Variants in SLC44A5 observed in about 807,000 individuals in gnomAD.
The protein encoded by SLC44A5 is solute carrier family 44 member 5, also known as choline transporter-like protein 5.
In SLC44A5, 57 loss-of-function variants were observed where a neutral mutation model predicts 101.8. The ratio of observed to expected loss-of-function variants is 0.56; its 90% CI spans 0.45 to 0.70. The LOEUF (loss-of-function observed/expected upper bound fraction) is 0.70. SLC44A5 is among the 30% of genes least tolerant of loss of function. SLC44A5 has a pLI of 0.00. For missense variants in SLC44A5, 737 were observed against 853.1 expected (o/e 0.86, Z 1.70); for synonymous variants, 281 against 290.9 (o/e 0.97, Z 0.35).
intron 1 of SLC44A5, among the ~76,000 whole-genome samples, chr1:75,579,318 C>T (rs1570661710): frequency 6.6e-6 from 1 of 152,204 alleles, no homozygotes; most frequent in Non-Finnish European, 1.5e-5. Context: ...AGGCAAACAT[C>T]TATAGTCCCA....
At chr1:75,442,338 G>A (rs368624738) in intron 2 of SLC44A5, among the ~76,000 whole-genome samples, 22 of 152,082 alleles carry the variant, frequency 1.4e-4, no homozygotes, top group Admixed American at 6.6e-4. Context: ...CGGGCTTTGC[G>A]GTAGGGAAAA....
chr1:75,654,225 A>C, the SLC44A5 span, among the ~76,000 whole-genome samples: 3 of 152,234 alleles, frequency 2.0e-5, no homozygotes, highest in Non-Finnish European at 4.4e-5. Flanking sequence ...TTTACAGGTG[A>C]AATACTTAAG....
chr1:75,488,842 G>T (rs568047663), intron 2 of SLC44A5, among the ~76,000 whole-genome samples: 6 of 152,254 alleles, frequency 3.9e-5, no homozygotes, highest in African/African-American at 1.2e-4. Context: ...CAAGTCAAAT[G>T]TCTAAGAAAT....
rs75642354 is a variant in SLC44A5, at chr1:75,338,377, C to T, written c.101+1205G>A. ...ATAATTCTGCTCTCTTATCTATGGC[C>T]TAGAAAGACACACCTGTAATCTGTA... On this transcript the variant is annotated intron_variant, in intron 4 of 23. Coordinates refer to ENST00000370859, the MANE Select transcript of SLC44A5 (RefSeq NM_001130058.2). Among the ~76,000 whole-genome samples the T allele has an allele frequency of 3.6e-3, 554 of 152,282 alleles. 3 individuals carry two copies. The highest frequency in any genetic ancestry group is 0.013 in the African/African-American group (539 of 41,570).
chr1:75,274,252 A>G (rs1651734820), intron 6 of SLC44A5, among the ~76,000 whole-genome samples: 1 of 151,954 alleles, frequency 6.6e-6, no homozygotes, highest in Non-Finnish European at 1.5e-5. Flanking sequence ...AGATCCAGCA[A>G]CCACCCCAGG....
the SLC44A5 span, among the ~76,000 whole-genome samples, chr1:75,629,922 AG>A: frequency 6.6e-6 from 1 of 152,244 alleles, no homozygotes. Context: ...CACCATTAAA[AG>A]CAAGTTAGAA....
intron 3 of SLC44A5, among the ~76,000 whole-genome samples, chr1:75,346,507 A>C (rs1658267161): frequency 6.6e-6 from 1 of 152,168 alleles, no homozygotes; most frequent in Non-Finnish European, 1.5e-5. Flanking sequence ...ATGGACGTTT[A>C]GGGGGCATTT....
At chr1:75,307,692 T>A (rs985309084) in intron 4 of SLC44A5, among the ~76,000 whole-genome samples, 1 of 152,232 alleles carries the variant, frequency 6.6e-6, no homozygotes, top group Admixed American at 6.5e-5. Context: ...ATTAATTGTA[T>A]CCACCCCCTT....
intron 4 of SLC44A5, among the ~76,000 whole-genome samples, chr1:75,324,460 T>C (rs1362189159): frequency 6.6e-6 from 1 of 152,198 alleles, no homozygotes; most frequent in African/African-American, 2.4e-5. Flanking sequence ...TATAGCACTA[T>C]GGTCTTATAT....
At chr1:75,601,674 C>T (rs1674992964) in intron 1 of SLC44A5, among the ~76,000 whole-genome samples, 1 of 152,150 alleles carries the variant, frequency 6.6e-6, no homozygotes, top group Admixed American at 6.6e-5. Context: ...AAAGAGCTAT[C>T]TCAAGGTCTG....
At chr1:75,502,722 A>T (rs978712670) in intron 2 of SLC44A5, among the ~76,000 whole-genome samples, 2 of 127,932 alleles carry the variant, frequency 1.6e-5, no homozygotes, top group African/African-American at 5.9e-5. Flanking sequence ...ACTCCACAAC[A>T]GTACCCACTT....
At chr1:75,486,994 T>C (rs547261749) in intron 2 of SLC44A5, among the ~76,000 whole-genome samples, 39 of 152,354 alleles carry the variant, frequency 2.6e-4, no homozygotes, top group Non-Finnish European at 5.3e-4. Flanking sequence ...AATACTTTAA[T>C]TGATATTTTA....
the SLC44A5 span, among the ~76,000 whole-genome samples, chr1:75,634,300 C>A: frequency 1.3e-5 from 2 of 152,062 alleles, no homozygotes; most frequent in African/African-American, 4.8e-5. Flanking sequence ...GGAATGGTAC[C>A]AGTTCCTCCT....
At chr1:75,659,541 C>T in the SLC44A5 span, among the ~76,000 whole-genome samples, 1 of 130,510 alleles carries the variant, frequency 7.7e-6, no homozygotes, top group Non-Finnish European at 1.6e-5. Flanking sequence ...AAAACTAGGC[C>T]AGGCACTTTG....
chr1:75,209,100 T>A (rs1363689883), intron 23 of SLC44A5, among the ~76,000 whole-genome samples: 14 of 152,216 alleles, frequency 9.2e-5, no homozygotes, highest in Non-Finnish European at 1.5e-4. Context: ...GACAAGTGTC[T>A]CTGAAAGGAA....
chr1:75,530,669 C>G (rs211773), intron 2 of SLC44A5, among the ~76,000 whole-genome samples: 141,329 of 152,204 alleles, frequency 0.93, 66,466 homozygotes, highest in East Asian at 1. Flanking sequence ...GCTCTCAGTA[C>G]TACCTCCCGA....
chr1:75,372,608 T>C (rs563252587), intron 3 of SLC44A5, among the ~76,000 whole-genome samples: 1 of 152,266 alleles, frequency 6.6e-6, no homozygotes, highest in East Asian at 1.9e-4. Flanking sequence ...CACATATTGT[T>C]AGTAAACCAG....
At chr1:75,206,935 C>T (rs543102036) in intron 23 of SLC44A5, among the ~76,000 whole-genome samples, 2 of 152,274 alleles carry the variant, frequency 1.3e-5, no homozygotes, top group East Asian at 3.9e-4. Flanking sequence ...ATCCCTCCCA[C>T]TCCCAGAGAG....
At chr1:75,558,636 T>G (rs1166099090) in intron 1 of SLC44A5, among the ~76,000 whole-genome samples, 1 of 152,042 alleles carries the variant, frequency 6.6e-6, no homozygotes. Context: ...TATACAGAAC[T>G]ACAGGAAATG....
Sources: gnomAD v4.1 joint callset for allele counts (sites outside exome capture counted in the v4.1 genomes callset) on GRCh38, gnomAD v4.1.1 for gene constraint, MANE v1.5 for transcripts, NCBI Gene and HGNC (gene_info 2026-07-23, HGNC 2026-07-21) for gene names.